The following MUSK variants were observed in gnomAD, a reference collection of about 807,000 sequenced individuals.
The protein encoded by MUSK is muscle, skeletal receptor tyrosine-protein kinase.
A neutral mutation model predicts 88.7 loss-of-function variants in MUSK; 55 were observed. That is an observed-to-expected ratio of 0.62 (90% CI 0.50 to 0.78). The LOEUF is 0.78. MUSK is among the 30% of genes least tolerant of loss of function. The pLI is 0.00. For missense variants in MUSK, 1,015 were observed against 1,074.3 expected (o/e 0.94, Z 0.77); for synonymous variants, 387 against 391.9 (o/e 0.99, Z 0.15).
chr9:110,701,427 TA>T (rs996868772), intron 5 of MUSK, among the ~76,000 whole-genome samples: 1 of 152,168 alleles, frequency 6.6e-6, no homozygotes, highest in Admixed American at 6.6e-5. Flanking sequence ...ATGGAATCTT[TA>T]GGTACCAAAT....
chr9:110,765,600 G>T (rs759140349), intron 8 of MUSK, among the ~76,000 whole-genome samples: 1 of 152,082 alleles, frequency 6.6e-6, no homozygotes, highest in Non-Finnish European at 1.5e-5. Flanking sequence ...CTGAGACAGA[G>T]TCTCGCTCTG....
chr9:110,782,015 C>T (rs188300842), intron 11 of MUSK, among the ~76,000 whole-genome samples: 3 of 152,318 alleles, frequency 2.0e-5, no homozygotes, highest in Admixed American at 1.3e-4. Flanking sequence ...TCACAAGCAT[C>T]GTGTTCTTAC....
rs144611096 is a variant in MUSK at position 110,805,717 on chromosome 9, A to C, written c.*4729A>C. ...CCCTAATGGATTTGTTAATATGTTC[A>C]ATTGTATGAATTTATTTCCTAATGT... On this transcript the variant is annotated 3_prime_UTR_variant, in exon 15 of 15. Coordinates refer to ENST00000374448, the MANE Select transcript of MUSK (RefSeq NM_005592.4). 4.2e-4 allele frequency among the ~76,000 whole-genome samples: 64 copies of C among 152,064 alleles called. No individual in the cohort carries two copies. The highest frequency in any genetic ancestry group is 3.4e-3 in the Middle Eastern group (1 of 292).
At chr9:110,745,809 A>G (rs1032352098) in intron 6 of MUSK, among the ~76,000 whole-genome samples, 2 of 152,202 alleles carry the variant, frequency 1.3e-5, no homozygotes, top group African/African-American at 2.4e-5. Context: ...GTAAATTGAT[A>G]CTCACATAAG....
At position 110,687,227 on chromosome 9, in the gene MUSK, G is replaced by C. The variant is rs754539657; in HGVS notation, c.317G>C (p.Gly106Ala). 1 of 1,613,952 alleles carries C rather than the reference G, an allele frequency of 6.2e-7. No individual in the cohort carries two copies. Among genetic ancestry groups the C allele is most frequent in the South Asian group, 1.1e-5 (1 of 91,084 alleles). ...TGCTGCACGGCCAACAATGGTGTGG[G>C]AGGAGCTGTGGAGAGTTGTGGAGCC... ...IYCCTANNGV[G>A]GAVESCGALQ... is the part of the protein sequence containing the mutation. The change falls in exon 3 of 15, where the codon GGA becomes GCA. Residue 106 changes from glycine to alanine, a missense_variant. Coordinates refer to ENST00000374448, the MANE Select transcript of MUSK (RefSeq NM_005592.4).
intron 7 of MUSK, among the ~76,000 whole-genome samples, chr9:110,753,477 G>A (rs972506958): frequency 6.6e-6 from 1 of 150,928 alleles, no homozygotes; most frequent in East Asian, 2.0e-4. Flanking sequence ...GAGAGAGAGA[G>A]AGAAATAAAA....
intron 11 of MUSK, 53 bp from the exon 12 acceptor site, chr9:110,784,762 A>C: frequency 1.4e-6 from 2 of 1,417,390 alleles, no homozygotes; most frequent in South Asian, 1.4e-5. Flanking sequence ...AAATACAAAA[A>C]ATTGCTTCTT....
intron 8 of MUSK, among the ~76,000 whole-genome samples, chr9:110,763,443 C>T (rs569178280): frequency 2.6e-5 from 4 of 152,262 alleles, no homozygotes; most frequent in South Asian, 2.1e-4. Flanking sequence ...AATAACCCTC[C>T]TTCTGAAAAA....
intron 1 of MUSK, among the ~76,000 whole-genome samples, chr9:110,674,835 C>A (rs547422051): frequency 6.6e-6 from 1 of 152,094 alleles, no homozygotes; most frequent in Non-Finnish European, 1.5e-5. Flanking sequence ...TGGTCTCAAA[C>A]TCCTAGGCTC....
intron 5 of MUSK, among the ~76,000 whole-genome samples, chr9:110,721,245 T>C (rs2076807568): frequency 6.6e-6 from 1 of 151,894 alleles, no homozygotes; most frequent in Non-Finnish European, 1.5e-5. Flanking sequence ...GCCAGAGCAA[T>C]CAGACAAGAG....
At chr9:110,774,952 T>C (rs1321190205) in intron 9 of MUSK, among the ~76,000 whole-genome samples, 2 of 152,114 alleles carry the variant, frequency 1.3e-5, no homozygotes, top group Admixed American at 6.5e-5. Flanking sequence ...TCTGCTATTA[T>C]TATGTTTAAT....
At chr9:110,723,111 C>CA (rs1353632364) in intron 5 of MUSK, among the ~76,000 whole-genome samples, 2 of 151,862 alleles carry the variant, frequency 1.3e-5, no homozygotes, top group African/African-American at 4.8e-5. Context: ...TTTGCAATTG[C>CA]AAAAATATAG....
rs1391507283 is a variant in MUSK at position 110,688,238 on chromosome 9, T to C, written c.358+970T>C. 3.3e-5 allele frequency among the ~76,000 whole-genome samples: 5 copies of C among 152,106 alleles called. No individual in the cohort carries two copies. In the South Asian group the frequency reaches 1.0e-3, roughly 32 times the overall value. ...AACTTTGATTCCAGGCTTACTATCT[T>C]TCTATCCATCTCTACTCCTGCAATT... is the stretch of plus-strand genomic sequence containing the variant. On this transcript the variant is annotated intron_variant, in intron 3 of 14. Coordinates refer to ENST00000374448, the MANE Select transcript of MUSK (RefSeq NM_005592.4).
At chr9:110,762,131 A>C in intron 7 of MUSK, 71 bp from the exon 8 acceptor site, 1 of 1,245,420 alleles carries the variant, frequency 8.0e-7, no homozygotes, top group Non-Finnish European at 1.0e-6. Flanking sequence ...GCATAAGATG[A>C]AAATGTACTA....
Position 110,747,289 on chromosome 9 carries a change from G to A in MUSK, c.754-352G>A, listed in dbSNP as rs139529442. ...GGCAGAGGGGATAAACGGGCCAGGT[G>A]TGTTTCATCTTCTACCATGCTGGCT... On this transcript the variant is annotated intron_variant, in intron 6 of 14. Coordinates refer to ENST00000374448, the MANE Select transcript of MUSK (RefSeq NM_005592.4). 6.1e-4 allele frequency among the ~76,000 whole-genome samples: 93 copies of A among 152,340 alleles called. 3 individuals carry two copies. In the East Asian group the frequency reaches 0.015, roughly 25 times the overall value.
chr9:110,679,509 A>T (rs1252184658), intron 1 of MUSK, among the ~76,000 whole-genome samples: 1 of 151,910 alleles, frequency 6.6e-6, no homozygotes, highest in Non-Finnish European at 1.5e-5. Context: ...CTGTCATTTC[A>T]TAGGTCAGCT....
At chr9:110,709,179 G>T (rs2076637075) in intron 5 of MUSK, among the ~76,000 whole-genome samples, 1 of 152,142 alleles carries the variant, frequency 6.6e-6, no homozygotes, top group African/African-American at 2.4e-5. Context: ...GAATTCTATG[G>T]CAAGAAGGAG....
At chr9:110,670,602 C>T (rs2075945078) in intron 1 of MUSK, among the ~76,000 whole-genome samples, 1 of 152,144 alleles carries the variant, frequency 6.6e-6, no homozygotes, top group South Asian at 2.1e-4. Context: ...CACACTATCT[C>T]TATTTTGAAA....
chr9:110,773,083 G>A (rs552172573), intron 9 of MUSK, among the ~76,000 whole-genome samples: 51 of 151,958 alleles, frequency 3.4e-4, no homozygotes, highest in Non-Finnish European at 6.2e-4. Context: ...TTTCATGAAC[G>A]ACATGGAATT....
Sources: gnomAD v4.1 joint callset for allele counts (sites outside exome capture counted in the v4.1 genomes callset) on GRCh38, gnomAD v4.1.1 for gene constraint, MANE v1.5 for transcripts, NCBI Gene and HGNC (gene_info 2026-07-23, HGNC 2026-07-21) for gene names.